Variants in AJAP1 observed in about 807,000 individuals in gnomAD.
The protein encoded by AJAP1 is adherens junctions associated protein 1, also known as adherens junction-associated protein 1.
AJAP1 carries 5 observed loss-of-function variants against 35.0 expected under a neutral mutation model. The observed-to-expected ratio is 0.14, with a 90% CI of 0.07 to 0.30. The LOEUF (loss-of-function observed/expected upper bound fraction) is 0.30, where lower values mean the gene tolerates loss of function less well. Ranked by LOEUF, AJAP1 falls within the 10% of genes least tolerant of loss-of-function variation. AJAP1 has a pLI of 1.00. For missense variants in AJAP1, 586 were observed against 571.0 expected (o/e 1.03, Z -0.27); for synonymous variants, 284 against 249.3 (o/e 1.14, Z -1.31).
Position 4,712,203 on chromosome 1 carries a change from C to G in AJAP1, c.333C>G (p.Leu111=). The change falls in exon 2 of 6, where the codon CTC becomes CTG. Residue 111 remains leucine (L), a synonymous_variant. Transcript: ENST00000378191. The stretch of plus-strand genomic sequence containing the variant: ...GGCCCCGGGACCAGGCGGCCGCCCT[C>G]GTGCCCAAGGCAGGACTGGCCAAGC... ...AHRPRDQAAA[L]VPKAGLAKPP... The G allele has an allele frequency of 6.4e-7, 1 of 1,564,858 alleles. No homozygotes were observed. Among genetic ancestry groups the G allele is most frequent in the Non-Finnish European group, 8.6e-7 (1 of 1,163,302 alleles).
At chr1:4,765,383 C>T (rs1315056293) in intron 2 of AJAP1, among the ~76,000 whole-genome samples, 3 of 152,056 alleles carry the variant, frequency 2.0e-5, no homozygotes, top group Non-Finnish European at 4.4e-5. Flanking sequence ...TCAGGGGCAG[C>T]AGGGTTTATG....
chr1:4,758,929 G>A (rs1227255418), intron 2 of AJAP1, among the ~76,000 whole-genome samples: 1 of 152,162 alleles, frequency 6.6e-6, no homozygotes, highest in Non-Finnish European at 1.5e-5. Context: ...GCTGGATGCT[G>A]GGTTACAGGC....
chr1:4,728,380 G>A (rs1254434971), intron 2 of AJAP1, among the ~76,000 whole-genome samples: 8 of 152,106 alleles, frequency 5.3e-5, no homozygotes, highest in Non-Finnish European at 1.2e-4. Flanking sequence ...TGTGGCTCGT[G>A]GTTTCCTTTT....
intron 1 of AJAP1, among the ~76,000 whole-genome samples, chr1:4,706,428 A>G (rs1640101823): frequency 6.6e-6 from 1 of 152,188 alleles, no homozygotes; most frequent in East Asian, 1.9e-4. Context: ...TGCCAAGCTA[A>G]CTTCCCCATC....
chr1:4,758,593 AC>A (rs1247838409), intron 2 of AJAP1, among the ~76,000 whole-genome samples: 1 of 152,048 alleles, frequency 6.6e-6, no homozygotes, highest in Non-Finnish European at 1.5e-5. Context: ...AACCACCCCA[AC>A]CCCCATGATT....
chr1:4,738,507 G>A (rs1353115248), intron 2 of AJAP1, among the ~76,000 whole-genome samples: 1 of 152,220 alleles, frequency 6.6e-6, no homozygotes, highest in African/African-American at 2.4e-5. Context: ...AGGAGTGGAG[G>A]TTGTTGGCGA....
intron 1 of AJAP1, among the ~76,000 whole-genome samples, chr1:4,703,395 G>C (rs1255986576): frequency 2.0e-5 from 3 of 152,114 alleles, no homozygotes; most frequent in Non-Finnish European, 2.9e-5. Flanking sequence ...TGGTGACTCG[G>C]GGGGACACAG....
chr1:4,697,569 C>T (rs1639893060), intron 1 of AJAP1, among the ~76,000 whole-genome samples: 1 of 152,244 alleles, frequency 6.6e-6, no homozygotes, highest in Non-Finnish European at 1.5e-5. Context: ...TCCCCTTCCT[C>T]TGTGCAGTTT....
chr1:4,735,042 G>A (rs373261658), intron 2 of AJAP1, among the ~76,000 whole-genome samples: 50 of 152,296 alleles, frequency 3.3e-4, no homozygotes, highest in African/African-American at 7.2e-4. Context: ...TTGCTTACAC[G>A]TATGAGCTCC....
At chr1:4,681,125 A>C (rs1360867985) in intron 1 of AJAP1, among the ~76,000 whole-genome samples, 1 of 152,244 alleles carries the variant, frequency 6.6e-6, no homozygotes, top group East Asian at 1.9e-4. Flanking sequence ...AGCCAAACCC[A>C]TACAAAATCC....
chr1:4,760,396 T>TGTGTTCATGCATGTGTTCATGCATGC (rs1333490363), intron 2 of AJAP1, among the ~76,000 whole-genome samples: 3 of 152,076 alleles, frequency 2.0e-5, no homozygotes, highest in East Asian at 1.9e-4. Context: ...TTCATGCATG[T>TGTGTTCATGCATGTGTTCATGCATGC]GTGTTCATGC....
intron 2 of AJAP1, among the ~76,000 whole-genome samples, chr1:4,719,258 A>G (rs923147947): frequency 2.0e-5 from 3 of 152,232 alleles, no homozygotes; most frequent in African/African-American, 7.2e-5. Context: ...TTGACAGTAA[A>G]TGCCACACCT....
rs376365079 is a variant in AJAP1 at position 4,734,946 on chromosome 1, G to A, written c.829+22247G>A. 6.6e-6 allele frequency among the ~76,000 whole-genome samples: 1 copy of A among 152,200 alleles called. No homozygotes were observed. Among genetic ancestry groups the A allele is most frequent in the Non-Finnish European group, 1.5e-5 (1 of 68,042 alleles). On this transcript the variant is annotated intron_variant, in intron 2 of 5. Coordinates refer to ENST00000378191, the MANE Select transcript of AJAP1 (RefSeq NM_018836.4). The surrounding 1 kb of genome is among the most constrained non-coding windows in gnomAD (Gnocchi z 4.3). ...GGCAATGTTGTTTCTCGACTCCTCCGTCCATCGCCTGCAAGCTGAGCCGCG... is the reference window on the plus strand; with the variant it reads ...GGCAATGTTGTTTCTCGACTCCTCCATCCATCGCCTGCAAGCTGAGCCGCG...
rs375121141 is a variant in AJAP1, at chr1:4,733,972, G to A, written c.829+21273G>A. Among the ~76,000 whole-genome samples, 13 of 152,296 alleles carry A rather than the reference G, an allele frequency of 8.5e-5. No homozygotes were observed. The East Asian group carries it at 2.3e-3, about 27-fold the overall frequency. On this transcript the variant is annotated intron_variant, in intron 2 of 5. Transcript: ENST00000378191. The stretch of plus-strand genomic sequence containing the variant: ...GGGGGCGGGGGGAGCTGAATGGAGC[G>A]GTTCACGCGAGGTGTGTGCGTCGCG...
intron 2 of AJAP1, among the ~76,000 whole-genome samples, chr1:4,712,976 CA>C (rs1640300532): frequency 6.6e-6 from 1 of 152,168 alleles, no homozygotes; most frequent in South Asian, 2.1e-4. Context: ...CAGCTGAATC[CA>C]CCAGGTGCTG....
intron 1 of AJAP1, among the ~76,000 whole-genome samples, chr1:4,677,881 T>C (rs548246176): frequency 2.0e-5 from 3 of 152,228 alleles, no homozygotes; most frequent in Admixed American, 6.5e-5. Context: ...CCAGTTGGAA[T>C]GCCAACTCAC....
At chr1:4,697,515 T>C (rs1194448379) in intron 1 of AJAP1, among the ~76,000 whole-genome samples, 1 of 152,258 alleles carries the variant, frequency 6.6e-6, no homozygotes, top group Non-Finnish European at 1.5e-5. Context: ...AGGACAACTC[T>C]TCCCAGTCCT....
Position 4,712,114 on chromosome 1 carries a change from C to T in AJAP1, c.244C>T (p.Arg82Trp), listed in dbSNP as rs1469028053. ...ARVPAPVWSP[R>W]PPRVERIHGQ... ...GGTCCCGGCCCCGGTGTGGAGCCCC[C>T]GGCCGCCCCGAGTGGAGCGGATCCA... The change falls in exon 2 of 6, where the codon CGG (arginine) becomes TGG (tryptophan). Residue 82 changes from arginine to tryptophan, a missense_variant. By Grantham distance (101) the Arg-to-Trp change is moderately radical. Coordinates refer to ENST00000378191, the MANE Select transcript of AJAP1 (RefSeq NM_018836.4). 3 of 1,538,986 alleles carry T rather than the reference C, an allele frequency of 1.9e-6. No homozygotes were observed. Among genetic ancestry groups the T allele is most frequent in the South Asian group, 1.2e-5 (1 of 81,044 alleles).
At chr1:4,763,076 C>G (rs979610952) in intron 2 of AJAP1, among the ~76,000 whole-genome samples, 22 of 152,310 alleles carry the variant, frequency 1.4e-4, no homozygotes, top group African/African-American at 5.1e-4. Context: ...GGTGACCCTC[C>G]AACCCAAGGC....
Sources: allele counts gnomAD v4.1 joint callset (sites outside exome capture counted in the v4.1 genomes callset), GRCh38; gene constraint gnomAD v4.1.1; non-coding constraint Gnocchi (gnomAD v3.1); transcripts MANE v1.5; gene names NCBI Gene and HGNC (gene_info 2026-07-23, HGNC 2026-07-21).